NCKAP5: variants seen among roughly 807,000 people sequenced by gnomAD.
The protein encoded by NCKAP5 is NCK associated protein 5, also known as nck-associated protein 5.
NCKAP5 carries 92 observed loss-of-function variants against 167.0 expected under a neutral mutation model. The ratio of observed to expected loss-of-function variants is 0.55; its 90% CI spans 0.47 to 0.66. The LOEUF (loss-of-function observed/expected upper bound fraction) is 0.66. NCKAP5 is among the 30% of genes least tolerant of loss of function. The pLI is 0.00. For synonymous variants in NCKAP5, 891 were observed against 877.4 expected, an observed-to-expected ratio of 1.02 and a Z score of -0.27; for missense variants, 2,378 against 2,315.0, an observed-to-expected ratio of 1.03 and a Z score of -0.56.
chr2:133,407,659 C>G (rs1688523648), intron 3 of NCKAP5, among the ~76,000 whole-genome samples: 1 of 152,308 alleles, frequency 6.6e-6, no homozygotes, highest in Admixed American at 6.5e-5. Context: ...CTGTGTCTCC[C>G]TTGACTATCA....
chr2:132,869,437 A>T (rs1200250330), intron 9 of NCKAP5, among the ~76,000 whole-genome samples: 1 of 152,186 alleles, frequency 6.6e-6, no homozygotes, highest in Non-Finnish European at 1.5e-5. Flanking sequence ...GGTCTAGCAT[A>T]GGGACAACTC....
At chr2:132,949,975 T>C (rs942885784) in intron 8 of NCKAP5, among the ~76,000 whole-genome samples, 4 of 152,200 alleles carry the variant, frequency 2.6e-5, no homozygotes, top group African/African-American at 9.6e-5. Flanking sequence ...GCACCTGTAA[T>C]CCCATCTACT....
intron 16 of NCKAP5, among the ~76,000 whole-genome samples, chr2:132,749,762 T>C (rs1245557769): frequency 6.6e-6 from 1 of 152,118 alleles, no homozygotes; most frequent in African/African-American, 2.4e-5. Context: ...AACCTTCAAA[T>C]GTCTGCTTAG....
the NCKAP5 span, among the ~76,000 whole-genome samples, chr2:133,575,199 G>A: frequency 2.0e-5 from 3 of 152,180 alleles, no homozygotes; most frequent in Non-Finnish European, 4.4e-5. Context: ...CTTGACCCTG[G>A]GCTATTAGGC....
chr2:133,171,868 T>A (rs777062167), intron 5 of NCKAP5, among the ~76,000 whole-genome samples: 1 of 152,206 alleles, frequency 6.6e-6, no homozygotes, highest in Non-Finnish European at 1.5e-5. Context: ...TTCCTATAAA[T>A]ATATACATGG....
At chr2:133,466,572 T>C (rs1206226515) in intron 3 of NCKAP5, among the ~76,000 whole-genome samples, 1 of 152,114 alleles carries the variant, frequency 6.6e-6, no homozygotes, top group Non-Finnish European at 1.5e-5. Context: ...TTGATGGGGA[T>C]GGCATTGAAT....
the NCKAP5 span, among the ~76,000 whole-genome samples, chr2:133,580,362 G>A: frequency 6.6e-6 from 1 of 152,128 alleles, no homozygotes; most frequent in African/African-American, 2.4e-5. Context: ...TGCACCTCTG[G>A]TTTCTCTGAG....
In NCKAP5 at chr2:133,410,010, C is replaced by T. The variant is rs139085728; in HGVS notation, c.70-106900G>A. ...TTCCAATGAAGGAAACTCCATGCTG[C>T]ACCATTATAAAAGTCAATCATAGAC... On this transcript the variant is annotated intron_variant, in intron 3 of 19. Coordinates refer to ENST00000409261, the MANE Select transcript of NCKAP5 (RefSeq NM_207363.3). Among the ~76,000 whole-genome samples the T allele has an allele frequency of 2.7e-3, 414 of 152,244 alleles. 3 individuals are homozygous for T. The highest frequency in any genetic ancestry group is 0.01 in the Middle Eastern group (3 of 292).
At chr2:133,434,121 A>C (rs1039850366) in intron 3 of NCKAP5, among the ~76,000 whole-genome samples, 4 of 152,252 alleles carry the variant, frequency 2.6e-5, no homozygotes, top group Non-Finnish European at 4.4e-5. Flanking sequence ...AATTCTAAGA[A>C]TGCTTATAAA....
At chr2:133,115,794 T>G in intron 6 of NCKAP5, among the ~76,000 whole-genome samples, 1 of 105,662 alleles carries the variant, frequency 9.5e-6, no homozygotes, top group South Asian at 3.0e-4. Flanking sequence ...TATATATATA[T>G]ATATATATAT....
intron 3 of NCKAP5, among the ~76,000 whole-genome samples, chr2:133,311,582 T>C (rs2150615344): frequency 6.6e-6 from 1 of 152,226 alleles, no homozygotes; most frequent in South Asian, 2.1e-4. Flanking sequence ...CATGTTTGGC[T>C]CTCCTGGCAA....
intron 5 of NCKAP5, among the ~76,000 whole-genome samples, chr2:133,181,432 C>T (rs2084727631): frequency 6.6e-6 from 1 of 151,680 alleles, no homozygotes; most frequent in Non-Finnish European, 1.5e-5. Context: ...AAATGGAAGG[C>T]AATAAATAAA....
chr2:133,015,127 T>C (rs552278582), intron 6 of NCKAP5, among the ~76,000 whole-genome samples: 6 of 152,332 alleles, frequency 3.9e-5, no homozygotes, highest in South Asian at 2.1e-4. Flanking sequence ...TTAATATTCA[T>C]TGAGCACTTG....
intron 2 of NCKAP5, among the ~76,000 whole-genome samples, chr2:133,558,722 A>AAAAAAAAAAAAAAAC (rs1687940098): frequency 6.8e-6 from 1 of 147,956 alleles, no homozygotes; most frequent in Non-Finnish European, 1.5e-5. Flanking sequence ...AAAAAAAAAA[A>AAAAAAAAAAAAAAAC]AAAAGCCCAT....
chr2:133,555,298 T>C (rs1687660497), intron 2 of NCKAP5, among the ~76,000 whole-genome samples: 3 of 152,172 alleles, frequency 2.0e-5, no homozygotes, highest in East Asian at 3.9e-4. Flanking sequence ...ACTCACAGAG[T>C]CAGCACTGTC....
At chr2:133,379,475 A>AGT (rs2150942985) in intron 3 of NCKAP5, among the ~76,000 whole-genome samples, 1 of 152,306 alleles carries the variant, frequency 6.6e-6, no homozygotes, top group South Asian at 2.1e-4. Flanking sequence ...AAGGGAGGAA[A>AGT]GTTACCAGGA....
rs117479735 is a variant in NCKAP5, at chr2:133,134,162, G to A, written c.208-4051C>T. The stretch of plus-strand genomic sequence containing the variant: ...GACCTCAGTCCACTGTGTGCATTAC[G>A]AGCCACAACCATCCACATGTGGTGT... On this transcript the variant is annotated intron_variant, in intron 5 of 19. Coordinates refer to ENST00000409261, the MANE Select transcript of NCKAP5 (RefSeq NM_207363.3). Among the ~76,000 whole-genome samples, 525 of 152,194 alleles carry A rather than the reference G, an allele frequency of 3.4e-3. 7 individuals carry two copies. The South Asian group carries it at 0.035, about 10-fold the overall frequency.
chr2:133,310,310 T>G (rs538069774), intron 3 of NCKAP5, among the ~76,000 whole-genome samples: 11 of 152,264 alleles, frequency 7.2e-5, no homozygotes, highest in African/African-American at 2.6e-4. Flanking sequence ...CTTGAACAGA[T>G]CCATCCTCCC....
intron 19 of NCKAP5, among the ~76,000 whole-genome samples, chr2:132,692,699 T>C (rs1183019188): frequency 6.6e-6 from 1 of 152,242 alleles, no homozygotes; most frequent in Non-Finnish European, 1.5e-5. Context: ...AAAACGAAGA[T>C]ATAAACATTT....
Sources: gnomAD v4.1 joint callset for allele counts (sites outside exome capture counted in the v4.1 genomes callset) on GRCh38, gnomAD v4.1.1 for gene constraint, MANE v1.5 for transcripts, NCBI Gene and HGNC (gene_info 2026-07-23, HGNC 2026-07-21) for gene names.